Variants in GMPR observed in about 807,000 individuals in gnomAD.
GMPR encodes the protein GMP reductase 1.
Under a neutral mutation model 38.4 loss-of-function variants are expected in GMPR, and 31 were observed. That is an observed-to-expected ratio of 0.81 (90% CI 0.61 to 1.09). GMPR has a LOEUF of 1.09. Ranked by LOEUF, GMPR falls within the 50% of genes least tolerant of loss-of-function variation. GMPR has a pLI of 0.00. For missense variants in GMPR, 468 were observed against 453.7 expected (o/e 1.03, Z -0.29); for synonymous variants, 162 against 173.3 (o/e 0.93, Z 0.51).
chr6:16,266,102 C>T (rs1372295270), intron 4 of GMPR, among the ~76,000 whole-genome samples: 1 of 65,716 alleles, frequency 1.5e-5, no homozygotes, highest in African/African-American at 5.6e-5. Flanking sequence ...AGAGCTGTAA[C>T]ACTTGCCATC....
At chr6:16,267,168 C>T (rs1350609352) in intron 4 of GMPR, among the ~76,000 whole-genome samples, 1 of 152,088 alleles carries the variant, frequency 6.6e-6, no homozygotes, top group Non-Finnish European at 1.5e-5. Flanking sequence ...TCATGACCAT[C>T]CTGGCTAACA....
At chr6:16,283,590 T>G (rs958915124) in intron 6 of GMPR, among the ~76,000 whole-genome samples, 12 of 152,180 alleles carry the variant, frequency 7.9e-5, no homozygotes, top group African/African-American at 2.9e-4. Context: ...ATAAATATGA[T>G]TTCCTCTTTG....
At chr6:16,250,555 T>A (rs562673995) in intron 3 of GMPR, among the ~76,000 whole-genome samples, 188 bp downstream of exon 3, 1 of 152,360 alleles carries the variant, frequency 6.6e-6, no homozygotes, top group East Asian at 1.9e-4. Flanking sequence ...TACTAGGATT[T>A]ATCTGTAAGA....
At chr6:16,294,560 AG>A (rs890849271) in intron 8 of GMPR, among the ~76,000 whole-genome samples, 1 of 152,162 alleles carries the variant, frequency 6.6e-6, no homozygotes, top group Non-Finnish European at 1.5e-5. Context: ...GGCTGTTTCC[AG>A]GGGGGAATCG....
intron 7 of GMPR, chr6:16,289,454 T>C (rs1049469475): frequency 1.3e-5 from 2 of 152,414 alleles, no homozygotes; most frequent in African/African-American, 4.8e-5. Context: ...TCATGTGCTG[T>C]GCACTTTGGA....
chr6:16,243,917 G>C (rs187057316), intron 1 of GMPR, among the ~76,000 whole-genome samples: 98 of 152,318 alleles, frequency 6.4e-4, no homozygotes, highest in Non-Finnish European at 5.0e-4. Flanking sequence ...TGGCTAAGTG[G>C]CAGTTGTTCA....
chr6:16,271,663 A>G (rs1309690376), intron 4 of GMPR, among the ~76,000 whole-genome samples: 3 of 152,108 alleles, frequency 2.0e-5, no homozygotes, highest in Admixed American at 1.3e-4. Context: ...TGTTCCTCGC[A>G]CTATAAAAAA....
intron 8 of GMPR, 39 bp from the exon 9 acceptor site, chr6:16,294,967 G>A (rs371354724): frequency 1.0e-5 from 16 of 1,532,222 alleles, no homozygotes; most frequent in African/African-American, 2.8e-5. Flanking sequence ...AAGGTGGGGC[G>A]GGAAACTAGA....
At chr6:16,267,868 C>CT (rs1554133439) in intron 4 of GMPR, among the ~76,000 whole-genome samples, 1 of 152,236 alleles carries the variant, frequency 6.6e-6, no homozygotes, top group Non-Finnish European at 1.5e-5. Flanking sequence ...GCGGGCAGAT[C>CT]TCCGGGAGCC....
intron 4 of GMPR, among the ~76,000 whole-genome samples, chr6:16,268,209 T>A (rs916740674): frequency 6.6e-6 from 1 of 152,228 alleles, no homozygotes; most frequent in African/African-American, 2.4e-5. Flanking sequence ...AGTCACATAA[T>A]AAACTCAGTT....
At chr6:16,288,135 C>A (rs532693918) in intron 7 of GMPR, among the ~76,000 whole-genome samples, 1 of 152,258 alleles carries the variant, frequency 6.6e-6, no homozygotes, top group African/African-American at 2.4e-5. Flanking sequence ...CCTCCTCTGC[C>A]TGGGCTCCCA....
intron 7 of GMPR, among the ~76,000 whole-genome samples, chr6:16,288,767 T>C (rs1759754281): frequency 6.6e-6 from 1 of 152,188 alleles, no homozygotes; most frequent in Non-Finnish European, 1.5e-5. Flanking sequence ...TCAGGGATTG[T>C]AAATACACCA....
intron 5 of GMPR, among the ~76,000 whole-genome samples, chr6:16,275,140 T>A (rs1759451042): frequency 6.6e-6 from 1 of 152,202 alleles, no homozygotes; most frequent in Non-Finnish European, 1.5e-5. Flanking sequence ...TCGCTTTCCT[T>A]CTTTGCCCTG....
intron 6 of GMPR, among the ~76,000 whole-genome samples, chr6:16,282,577 C>G (rs1759593951): frequency 6.6e-6 from 1 of 152,098 alleles, no homozygotes; most frequent in South Asian, 2.1e-4. Flanking sequence ...TTCCACCGTC[C>G]CCGCCGTCTA....
intron 6 of GMPR, among the ~76,000 whole-genome samples, chr6:16,282,000 G>A (rs926483445): frequency 3.3e-5 from 5 of 152,332 alleles, no homozygotes; most frequent in East Asian, 3.9e-4. Flanking sequence ...AACAGGGCAC[G>A]GGCACGTTTC....
chr6:16,277,054 A>T (rs536340921), intron 5 of GMPR, among the ~76,000 whole-genome samples: 1 of 152,054 alleles, frequency 6.6e-6, no homozygotes, highest in African/African-American at 2.4e-5. Context: ...ATTCAATGGG[A>T]GAGGAGGAGA....
At chr6:16,265,430 C>T (rs960673353) in intron 4 of GMPR, among the ~76,000 whole-genome samples, 1 of 151,244 alleles carries the variant, frequency 6.6e-6, no homozygotes, top group Non-Finnish European at 1.5e-5. Flanking sequence ...TTGCTGTTGT[C>T]CCCCACATGC....
intron 4 of GMPR, among the ~76,000 whole-genome samples, chr6:16,267,435 C>G (rs1759278289): frequency 6.6e-6 from 1 of 151,982 alleles, no homozygotes. Flanking sequence ...TCAGCGAGAC[C>G]ACGAACCGTC....
At chr6:16,289,289 G>A (rs1352798796) in intron 7 of GMPR, among the ~76,000 whole-genome samples, 1 of 152,212 alleles carries the variant, frequency 6.6e-6, no homozygotes, top group African/African-American at 2.4e-5. Context: ...TGAAGTCAGT[G>A]AGACCAAGAA....
Sources: allele counts gnomAD v4.1 joint callset (sites outside exome capture counted in the v4.1 genomes callset), GRCh38; gene constraint gnomAD v4.1.1; transcripts MANE v1.5; gene names NCBI Gene and HGNC (gene_info 2026-07-23, HGNC 2026-07-21).